ANO2: variants seen among roughly 807,000 people sequenced by gnomAD.
ANO2 encodes the protein anoctamin-2.
A neutral mutation model predicts 124.2 loss-of-function variants in ANO2; 101 were observed. The observed-to-expected ratio is 0.81, with a 90% CI of 0.69 to 0.96. The LOEUF is 0.96. Ranked by LOEUF, ANO2 falls within the 40% of genes least tolerant of loss-of-function variation. ANO2 has a pLI of 0.00. For synonymous variants in ANO2, 486 were observed against 482.5 expected, an observed-to-expected ratio of 1.01 and a Z score of -0.09; for missense variants, 1,293 against 1,274.5, an observed-to-expected ratio of 1.01 and a Z score of -0.22.
In ANO2 at chr12:5,750,854, A is replaced by G; in HGVS notation, c.1172T>C (p.Ile391Thr). The G allele has an allele frequency of 6.2e-7, 1 of 1,612,470 alleles. No individual in the cohort carries two copies. The highest frequency in any genetic ancestry group is 8.5e-7 in the Non-Finnish European group (1 of 1,179,400). The change falls in exon 11 of 25, where the codon ATT becomes ACT. Residue 391 changes from isoleucine (I) to threonine (T), a missense_variant. Transcript: ENST00000682330. ...VIVFLYGCAT[I>T]EEDIPSREMC... is the part of the protein sequence containing the mutation. ...GATTTACCTGGGAATATCTTCTTCA[A>G]TTGTTGCACATCCATAAAGAAACAC...
At chr12:5,736,919 T>A (rs1044850950) in intron 13 of ANO2, among the ~76,000 whole-genome samples, 3 of 152,232 alleles carry the variant, frequency 2.0e-5, no homozygotes, top group Non-Finnish European at 4.4e-5. Context: ...CCTGATTTTT[T>A]AAGAATTTCC....
At chr12:5,718,204 C>T (rs532120095) in intron 14 of ANO2, among the ~76,000 whole-genome samples, 19 of 152,210 alleles carry the variant, frequency 1.2e-4, no homozygotes, top group Non-Finnish European at 2.8e-4. Flanking sequence ...AGGACATGTC[C>T]CTCACTGAAA....
At chr12:5,771,839 G>C (rs965517084) in intron 10 of ANO2, among the ~76,000 whole-genome samples, 1 of 152,134 alleles carries the variant, frequency 6.6e-6, no homozygotes, top group Non-Finnish European at 1.5e-5. Flanking sequence ...TCCAAAAGGG[G>C]ATTCACAACA....
At chr12:5,762,575 G>T (rs767169357) in intron 10 of ANO2, among the ~76,000 whole-genome samples, 1 of 151,820 alleles carries the variant, frequency 6.6e-6, no homozygotes, top group Non-Finnish European at 1.5e-5. Flanking sequence ...GAGTAATTTT[G>T]TCTAGTTTAG....
At chr12:5,698,532 A>G (rs1349364461) in intron 14 of ANO2, among the ~76,000 whole-genome samples, 1 of 152,256 alleles carries the variant, frequency 6.6e-6, no homozygotes, top group Non-Finnish European at 1.5e-5. Flanking sequence ...TCTAAAAATC[A>G]GAGTACCTCT....
chr12:5,563,604 G>A (rs371310851), intron 24 of ANO2, 36 bp from the exon 25 acceptor site: 178 of 1,609,964 alleles, frequency 1.1e-4, no homozygotes, highest in Non-Finnish European at 1.4e-4. Context: ...CTGAGTTGGA[G>A]AGGCCCGGCC....
chr12:5,844,740 C>T (rs1446387151), intron 4 of ANO2, among the ~76,000 whole-genome samples: 1 of 151,840 alleles, frequency 6.6e-6, no homozygotes, highest in Non-Finnish European at 1.5e-5. Flanking sequence ...GATGGAATTC[C>T]CCAGAGTATG....
At chr12:5,573,577 C>T (rs1027275267) in intron 23 of ANO2, among the ~76,000 whole-genome samples, 1 of 152,202 alleles carries the variant, frequency 6.6e-6, no homozygotes, top group East Asian at 1.9e-4. Flanking sequence ...GACCCAAGTC[C>T]AGCACCATGG....
At chr12:5,905,080 G>A (rs1025206798) in intron 3 of ANO2, among the ~76,000 whole-genome samples, 2 of 152,176 alleles carry the variant, frequency 1.3e-5, no homozygotes, top group African/African-American at 4.8e-5. Flanking sequence ...GGGAGGACAC[G>A]GCAGTGACTG....
chr12:5,791,572 C>T (rs2137150113), intron 10 of ANO2, among the ~76,000 whole-genome samples: 1 of 152,302 alleles, frequency 6.6e-6, no homozygotes, highest in Non-Finnish European at 1.5e-5. Flanking sequence ...GAATGGAACT[C>T]TGGGGCACCT....
intron 2 of ANO2, 72 bp from the exon 3 acceptor site, chr12:5,921,438 A>C: frequency 6.9e-7 from 1 of 1,458,310 alleles, no homozygotes; most frequent in Non-Finnish European, 9.4e-7. Context: ...AGGCTGATCT[A>C]TGCTCTGGGC....
rs1591637801 is a variant in ANO2 at position 5,805,980 on chromosome 12, T to C, written c.990+72A>G. 8 of 1,485,964 alleles carry C rather than the reference T, an allele frequency of 5.4e-6. No homozygotes were observed. In the South Asian group the frequency reaches 8.4e-5, roughly 16 times the overall value. The allele number at this position is 1,485,964 out of a possible 1,614,324, so 92.0% of individuals were successfully genotyped here. ...CAGGTAAAGAGAACATCTAAGACAC[T>C]TCTAGCCACTTCCACACCCACCCGT... On this transcript the variant is annotated intron_variant, in intron 9 of 24. Coordinates refer to ENST00000682330, the MANE Select transcript of ANO2 (RefSeq NM_001364791.2).
chr12:5,811,072 A>T (rs757401115), intron 7 of ANO2, among the ~76,000 whole-genome samples: 9 of 152,214 alleles, frequency 5.9e-5, no homozygotes, highest in Non-Finnish European at 1.2e-4. Context: ...TTAAATCTAC[A>T]AGTGCTGCTG....
intron 14 of ANO2, among the ~76,000 whole-genome samples, chr12:5,709,923 A>G (rs571315615): frequency 1.3e-5 from 2 of 152,218 alleles, no homozygotes; most frequent in East Asian, 3.8e-4. Context: ...AATAGAAAAA[A>G]TACAAAATGA....
chr12:5,922,589 TCCCCC>T, intron 2 of ANO2, 26 bp downstream of exon 2: 3 of 1,449,804 alleles, frequency 2.1e-6, no homozygotes, highest in Non-Finnish European at 2.8e-6. Flanking sequence ...GGCTGGCCTA[TCCCCC>T]CACCCCACCC....
At chr12:5,571,975 A>C (rs74058237) in intron 23 of ANO2, among the ~76,000 whole-genome samples, 2,553 of 152,182 alleles carry the variant, frequency 0.017, 73 homozygotes, top group African/African-American at 0.056. Flanking sequence ...TGCTGACCTT[A>C]TTTTCTGAAC....
rs114182236 is a variant in ANO2 at position 5,912,464 on chromosome 12, G to A, written c.534+8576C>T. Among the ~76,000 whole-genome samples, 1,152 of 152,306 alleles carry A rather than the reference G, an allele frequency of 7.6e-3. 14 individuals carry two copies. The highest frequency in any genetic ancestry group is 0.026 in the African/African-American group (1,088 of 41,544). ...TGGGGGGAGGCTAAAACGAGCATCA[G>A]AGGAGAATGCTGAAGGTTAATGTTT... On this transcript the variant is annotated intron_variant, in intron 3 of 24. Coordinates refer to ENST00000682330, the MANE Select transcript of ANO2 (RefSeq NM_001364791.2).
At chr12:5,615,460 C>T (rs966097257) in intron 16 of ANO2, among the ~76,000 whole-genome samples, 163 bp from the exon 17 acceptor site, 1 of 152,160 alleles carries the variant, frequency 6.6e-6, no homozygotes, top group Non-Finnish European at 1.5e-5. Flanking sequence ...TGGGAGGCCC[C>T]AGGTGGTCTG....
chr12:5,923,212 A>C (rs954781387), intron 1 of ANO2, among the ~76,000 whole-genome samples: 1 of 147,176 alleles, frequency 6.8e-6, no homozygotes, highest in East Asian at 2.0e-4. Context: ...ACACACACCC[A>C]CATACACACA....
Sources: allele counts gnomAD v4.1 joint callset (sites outside exome capture counted in the v4.1 genomes callset), GRCh38; gene constraint gnomAD v4.1.1; transcripts MANE v1.5; gene names NCBI Gene and HGNC (gene_info 2026-07-23, HGNC 2026-07-21).